The following CFAP74 variants were observed in gnomAD, a reference collection of about 807,000 sequenced individuals.
The protein encoded by CFAP74 is cilia and flagella associated protein 74.
CFAP74 carries 124 observed loss-of-function variants against 188.9 expected under a neutral mutation model. The ratio of observed to expected loss-of-function variants is 0.66; its 90% CI spans 0.57 to 0.76. The LOEUF is 0.76. CFAP74 is among the 30% of genes least tolerant of loss of function. The pLI, the probability that CFAP74 is intolerant of heterozygous loss-of-function variation, is 0.00. For synonymous variants in CFAP74, 956 were observed against 916.7 expected (o/e 1.04, Z -0.77); for missense variants, 2,198 against 2,165.2 (o/e 1.02, Z -0.30).
intron 5 of CFAP74, among the ~76,000 whole-genome samples, chr1:1,986,309 C>T (rs1018048666): frequency 6.6e-6 from 1 of 152,222 alleles, no homozygotes; most frequent in African/African-American, 2.4e-5. Context: ...TTGCTTAAAC[C>T]TGGAGGGGCA....
chr1:1,961,611 G>A (rs1361861868), intron 14 of CFAP74, among the ~76,000 whole-genome samples: 1 of 151,988 alleles, frequency 6.6e-6, no homozygotes, highest in African/African-American at 2.4e-5. Flanking sequence ...GAAACCACAT[G>A]GATCAATGAG....
chr1:2,001,819 T>C (rs950671550), intron 1 of CFAP74, among the ~76,000 whole-genome samples: 10 of 152,064 alleles, frequency 6.6e-5, no homozygotes, highest in Admixed American at 2.6e-4. Flanking sequence ...GCAGTGGGAA[T>C]CTAATCACGA....
chr1:1,959,889 G>A, intron 15 of CFAP74, 75 bp downstream of exon 15: 1 of 1,303,304 alleles, frequency 7.7e-7, no homozygotes, highest in Non-Finnish European at 1.0e-6. Context: ...ATCATGTTCT[G>A]CGCCACCATG....
intron 1 of CFAP74, among the ~76,000 whole-genome samples, chr1:1,991,963 C>G (rs191090217): frequency 2.6e-5 from 4 of 151,394 alleles, no homozygotes; most frequent in Admixed American, 2.0e-4. Flanking sequence ...TGGTGTGAAC[C>G]CAGGAGGCGG....
chr1:1,963,753 C>A lies in CFAP74; in HGVS notation c.1690G>T (p.Val564Phe). The A allele has an allele frequency of 6.2e-7, 1 of 1,608,812 alleles. No homozygotes were observed. Among genetic ancestry groups the A allele is most frequent in the Non-Finnish European group, 8.5e-7 (1 of 1,175,696 alleles). ...VEEHLRDFIHVDFDPPGPLSA... is the reference protein window; with the variant it reads ...VEEHLRDFIHFDFDPPGPLSA... ...CTGTCTGAGCCGTCCTCTTACTCAA[C>A]GTGGATGAAGTCCCGGAGGTGCTCC... The change falls in exon 14 of 39, where the codon GTT becomes TTT. Residue 564 changes from valine (V) to phenylalanine (F), a missense_variant. Physicochemically the swap from Val to Phe is conservative, Grantham distance 50. Transcript: ENST00000682832.
chr1:1,947,871 CT>C (rs869304046), intron 18 of CFAP74, among the ~76,000 whole-genome samples: 1 of 152,024 alleles, frequency 6.6e-6, no homozygotes, highest in Non-Finnish European at 1.5e-5. Flanking sequence ...GCAGGGACCC[CT>C]GTTCTTTTTT....
Position 2,000,381 on chromosome 1 carries a change from T to C in CFAP74, c.-20+3320A>G, listed in dbSNP as rs141567965. Among the ~76,000 whole-genome samples the C allele has an allele frequency of 7.2e-3, 1,093 of 152,262 alleles. 16 individuals are homozygous for C. The highest frequency in any genetic ancestry group is 0.025 in the African/African-American group (1,042 of 41,554). ...TTCGGAGGACCAGGACATGGGTTTT[T>C]TGGGGAAGGGGGAGATCATCCTGCC... is the stretch of plus-strand genomic sequence containing the variant. On this transcript the variant is annotated intron_variant, in intron 1 of 38. Transcript: ENST00000682832.
chr1:1,965,046 C>A lies in CFAP74; in HGVS notation c.1417G>T (p.Val473Leu). The A allele has an allele frequency of 6.2e-7, 1 of 1,612,920 alleles. No individual in the cohort carries two copies. Among genetic ancestry groups the A allele is most frequent in the Non-Finnish European group, 8.5e-7 (1 of 1,179,330 alleles). The stretch of plus-strand genomic sequence containing the variant: ...GTCCCGCCCACGGGCTTTCGGTCCA[C>A]GTCCTCCTTGGGCACCTGGGGGTCA... ...YKPYQVPKED[V>L]DRKPVGGTKM... is the part of the protein sequence containing the mutation. The change falls in exon 13 of 39, where the codon GTG (valine) becomes TTG (leucine). Residue 473 changes from valine (V) to leucine (L), a missense_variant. Physicochemically the swap from Val to Leu is conservative, Grantham distance 32. Coordinates refer to ENST00000682832, the MANE Select transcript of CFAP74 (RefSeq NM_001304360.2).
intron 18 of CFAP74, 46 bp downstream of exon 18, chr1:1,955,645 C>G: frequency 6.2e-7 from 1 of 1,604,534 alleles, no homozygotes; most frequent in Non-Finnish European, 8.5e-7. Flanking sequence ...TGCCCTGAGG[C>G]CCTCACCGCC....
chr1:1,996,945 A>G (rs1445604007), intron 1 of CFAP74, among the ~76,000 whole-genome samples: 4 of 151,382 alleles, frequency 2.6e-5, no homozygotes, highest in Admixed American at 6.6e-5. Flanking sequence ...AGAAAAAAAA[A>G]AAGAAGAAGA....
intron 13 of CFAP74, among the ~76,000 whole-genome samples, chr1:1,964,324 A>AC (rs1655305022): frequency 1.3e-5 from 2 of 151,918 alleles, no homozygotes; most frequent in Admixed American, 1.3e-4. Context: ...GGTTCAGGGG[A>AC]CCCCCACTGC....
intron 1 of CFAP74, among the ~76,000 whole-genome samples, chr1:1,999,572 T>C (rs1658094052): frequency 6.6e-6 from 1 of 152,162 alleles, no homozygotes; most frequent in South Asian, 2.1e-4. Context: ...ATCCCAGCAC[T>C]TTGGGAGGCC....
At chr1:1,952,610 G>GAAAGAAAGAAAGAAAGAAAGAAAGAA (rs555514879) in intron 18 of CFAP74, among the ~76,000 whole-genome samples, 21 of 151,480 alleles carry the variant, frequency 1.4e-4, no homozygotes, top group African/African-American at 4.1e-4. Flanking sequence ...AAGAAAGAAA[G>GAAAGAAAGAAAGAAAGAAAGAAAGAA]AAAGACAGAC....
intron 12 of CFAP74, 100 bp from the exon 13 acceptor site, chr1:1,965,161 C>T: frequency 8.5e-7 from 1 of 1,175,232 alleles, no homozygotes; most frequent in Non-Finnish European, 1.2e-6. Flanking sequence ...AGAGCACGGA[C>T]AGCCCAGCCC....
At chr1:1,924,140 GCCCACCCCCCCA>G (rs1158562607) in intron 34 of CFAP74, among the ~76,000 whole-genome samples, 1 of 48,964 alleles carries the variant, frequency 2.0e-5, no homozygotes, top group East Asian at 6.7e-4. Context: ...CCAGCTCACT[GCCCACCCCCCCA>G]GCTCACCGCC....
At chr1:1,981,426 G>A (rs990944218) in intron 6 of CFAP74, among the ~76,000 whole-genome samples, 5 of 151,706 alleles carry the variant, frequency 3.3e-5, no homozygotes, top group Admixed American at 6.6e-5. Flanking sequence ...GGGCACGCAG[G>A]ACACCCAGCC....
chr1:1,929,332 T>C (rs1286404024), intron 26 of CFAP74, among the ~76,000 whole-genome samples: 1 of 3,026 alleles, frequency 3.3e-4, no homozygotes, highest in Admixed American at 4.4e-3. Context: ...CCACAGGCAG[T>C]GTGCAGTATG....
At position 1,966,368 on chromosome 1, in the gene CFAP74, T is replaced by C. The variant is rs754334604; in HGVS notation, c.1401+3A>G. The C allele has an allele frequency of 2.0e-6, 3 of 1,526,742 alleles. No individual in the cohort carries two copies. Among genetic ancestry groups the C allele is most frequent in the Admixed American group, 4.1e-5 (2 of 48,764 alleles). 94.6% of individuals were successfully genotyped at this position (1,526,742 alleles called of 1,614,324 possible). On this transcript the variant is annotated splice_donor_region_variant and intron_variant, in intron 12 of 38. Coordinates refer to ENST00000682832, the MANE Select transcript of CFAP74 (RefSeq NM_001304360.2). The stretch of plus-strand genomic sequence containing the variant: ...AAGCGTCTAAAGGAGCAGGAGCTGA[T>C]ACCTGGTATGGCTTGTAGTCTTCAT...
rs573079757 is a variant in CFAP74, at chr1:1,939,442, G to C, written c.2877+152C>G. ...CACGCCCAGGGCTGGTGTGCAGGGTGGGGAGGCCCAGGTGTGGAGGGGTGC... is the reference window on the plus strand; with the variant it reads ...CACGCCCAGGGCTGGTGTGCAGGGTCGGGAGGCCCAGGTGTGGAGGGGTGC... On this transcript the variant is annotated intron_variant, in intron 24 of 38. Coordinates refer to ENST00000682832, the MANE Select transcript of CFAP74 (RefSeq NM_001304360.2). Among the ~76,000 whole-genome samples, 5 of 152,170 alleles carry C rather than the reference G, an allele frequency of 3.3e-5. No individual in the cohort carries two copies. The South Asian group carries it at 8.3e-4, about 25-fold the overall frequency.
Sources: gnomAD v4.1 joint callset for allele counts (sites outside exome capture counted in the v4.1 genomes callset) on GRCh38, gnomAD v4.1.1 for gene constraint, MANE v1.5 for transcripts, NCBI Gene and HGNC (gene_info 2026-07-23, HGNC 2026-07-21) for gene names.